Variants in HTD2 observed in about 807,000 individuals in gnomAD.
HTD2 encodes hydroxyacyl-thioester dehydratase type 2, mitochondrial.
In HTD2, 1 loss-of-function variant was observed where a neutral mutation model predicts 3.1. The observed-to-expected ratio is 0.32, with a 90% CI of 0.11 to 1.52. The LOEUF (loss-of-function observed/expected upper bound fraction) is 1.52. HTD2 is among the 40% of genes most tolerant of loss of function. HTD2 has a pLI of 0.39. For synonymous variants in HTD2, 50 were observed against 28.9 expected, an observed-to-expected ratio of 1.73 and a Z score of -2.34; for missense variants, 150 against 79.6, an observed-to-expected ratio of 1.88 and a Z score of -3.36.
chr3:58,308,101 C>T (rs1249742183), intron 1 of HTD2: 1 of 152,144 alleles, frequency 6.6e-6, no homozygotes, highest in African/African-American at 2.4e-5. Context: ...ATGAAAGAAA[C>T]AGATGAGGTT....
intron 3 of HTD2, 28 bp from the exon 4 acceptor site, chr3:58,316,887 A>T: frequency 6.4e-7 from 1 of 1,565,950 alleles, no homozygotes. Flanking sequence ...TCTATGACAC[A>T]CTATGTATTT....
Position 58,319,663 on chromosome 3 carries a change from TAAGAAG to T in HTD2, c.*1545_*1550del, listed in dbSNP as rs1262626212. The T allele has an allele frequency of 6.6e-6, 1 of 151,872 alleles. No homozygotes were observed. The highest frequency in any genetic ancestry group is 1.5e-5 in the Non-Finnish European group (1 of 68,008). 9.4% of individuals were successfully genotyped at this position (151,872 alleles called of 1,614,324 possible). A position where few individuals can be genotyped will look rare whatever the true frequency, so the allele number is the denominator to read the frequency against. On this transcript the variant is annotated 3_prime_UTR_variant, in exon 5 of 5. Transcript: ENST00000461393. ...AAAAAAAATTGTAAGAAATAAATAT[TAAGAAG>T]ATTATGGAGGCCAAATTCTTAAGAC...
intron 2 of HTD2, 30 bp downstream of exon 2, chr3:58,310,621 C>A: frequency 6.4e-7 from 1 of 1,562,480 alleles, no homozygotes; most frequent in Non-Finnish European, 8.7e-7. Context: ...ATTGAACATT[C>A]CAAAGATCTT....
At chr3:58,311,401 C>A (rs186457857) in intron 2 of HTD2, among the ~76,000 whole-genome samples, 2 of 152,196 alleles carry the variant, frequency 1.3e-5, no homozygotes, top group Non-Finnish European at 2.9e-5. Flanking sequence ...GTGATCCACG[C>A]GCCTTGGGCT....
At chr3:58,312,009 A>C (rs1435930883) in intron 2 of HTD2, among the ~76,000 whole-genome samples, 3 of 152,016 alleles carry the variant, frequency 2.0e-5, no homozygotes, top group African/African-American at 4.8e-5. Context: ...AGTAGCTGGG[A>C]CCACAGGCGT....
At position 58,319,112 on chromosome 3, in the gene HTD2, C is replaced by T. The variant is rs866692181; in HGVS notation, c.*992C>T. 2 of 152,136 alleles carry T rather than the reference C, an allele frequency of 1.3e-5. No individual in the cohort carries two copies. Among genetic ancestry groups the T allele is most frequent in the Non-Finnish European group, 1.5e-5 (1 of 68,040 alleles). 9.4% of individuals were successfully genotyped at this position (152,136 alleles called of 1,614,324 possible). A position where few individuals can be genotyped will look rare whatever the true frequency, so the allele number is the denominator to read the frequency against. Reference sequence around the variant, plus strand: ...TTGTCACTGTATTTTAACTGTGTAACAATTATTGAAGGCGAAAATAGAAGT... The same window carrying T: ...TTGTCACTGTATTTTAACTGTGTAATAATTATTGAAGGCGAAAATAGAAGT... On this transcript the variant is annotated 3_prime_UTR_variant, in exon 5 of 5. Transcript: ENST00000461393.
At chr3:58,313,401 A>G (rs1233001911) in intron 2 of HTD2, among the ~76,000 whole-genome samples, 1 of 152,258 alleles carries the variant, frequency 6.6e-6, no homozygotes, top group Non-Finnish European at 1.5e-5. Context: ...GTAGAGAAGT[A>G]GAGTTTCAGA....
intron 2 of HTD2, chr3:58,315,576 C>T (rs1041706585): frequency 3.9e-5 from 6 of 152,192 alleles, no homozygotes; most frequent in Non-Finnish European, 8.8e-5. Flanking sequence ...GTACCAATAC[C>T]AGTTTTGTAG....
intron 2 of HTD2, among the ~76,000 whole-genome samples, chr3:58,310,879 G>A (rs898910245): frequency 1.1e-4 from 17 of 148,876 alleles, no homozygotes; most frequent in Admixed American, 8.1e-4. Flanking sequence ...GCAGTGAGCC[G>A]AGATAACGCC....
At chr3:58,317,350 T>G in intron 4 of HTD2, 90 bp from the exon 5 acceptor site, 1 of 849,744 alleles carries the variant, frequency 1.2e-6, no homozygotes, top group Non-Finnish European at 1.9e-6. Context: ...ATCAGCTTTG[T>G]TTATCCTGTA....
intron 2 of HTD2, among the ~76,000 whole-genome samples, chr3:58,311,033 C>T (rs566637031): frequency 6.6e-6 from 1 of 151,504 alleles, no homozygotes; most frequent in African/African-American, 2.4e-5. Context: ...TTGTAATAAA[C>T]ACATTTGTAT....
At chr3:58,309,091 C>T (rs917175779) in intron 1 of HTD2, among the ~76,000 whole-genome samples, 5 of 152,326 alleles carry the variant, frequency 3.3e-5, no homozygotes, top group Admixed American at 1.3e-4. Flanking sequence ...ACAGACCTGG[C>T]TTTTGGACTG....
rs1319944680 is a variant in HTD2, at chr3:58,309,865, CTGGG to C, written c.-415-641_-415-638del. On this transcript the variant is annotated intron_variant, in intron 1 of 4. Transcript: ENST00000461393. ...CAAGATTGTGCCACTGCACTCCAGCCTGGGCGACAGAGCAAGACTCCTTCTCCAA... is the reference window on the plus strand; with the variant it reads ...CAAGATTGTGCCACTGCACTCCAGCCCGACAGAGCAAGACTCCTTCTCCAA... 1.2e-3 allele frequency among the ~76,000 whole-genome samples: 177 copies of C among 152,102 alleles called. 1 individual carries two copies. Among genetic ancestry groups the C allele is most frequent in the Admixed American group, 9.1e-3 (139 of 15,264 alleles).
At chr3:58,309,794 A>T (rs2097480119) in intron 1 of HTD2, among the ~76,000 whole-genome samples, 1 of 152,198 alleles carries the variant, frequency 6.6e-6, no homozygotes, top group African/African-American at 2.4e-5. Flanking sequence ...CGGGAGGCTG[A>T]GGCAGGAGAA....
rs1269459052 is a variant in HTD2, at chr3:58,306,581, G to C, written c.-486G>C. ...GGCGCCGCGTAGGGTCTCGGCCGCA[G>C]AACGTGGCCGAGAGGCCCGGGCGAG... On this transcript the variant is annotated 5_prime_UTR_variant, in exon 1 of 5. Coordinates refer to ENST00000461393, the MANE Select transcript of HTD2 (RefSeq NM_001348712.2). 6.6e-6 allele frequency: 1 copy of C among 152,074 alleles called. No individual in the cohort carries two copies. Among genetic ancestry groups the C allele is most frequent in the African/African-American group, 2.4e-5 (1 of 41,332 alleles). 9.4% of individuals were successfully genotyped at this position (152,074 alleles called of 1,614,324 possible).
At position 58,308,018 on chromosome 3, in the gene HTD2, A is replaced by G. The variant is rs1230807823; in HGVS notation, c.-416+1367A>G. On this transcript the variant is annotated intron_variant, in intron 1 of 4. Transcript: ENST00000461393. ...TTACTGGCATCTAAGCCCTGGGTCT[A>G]ATTTCACTCCCCTATTTTAGGCAGC... The G allele has an allele frequency of 2.6e-5, 4 of 152,090 alleles. No individual in the cohort carries two copies. In the East Asian group the frequency reaches 5.8e-4, roughly 22 times the overall value. 9.4% of individuals were successfully genotyped at this position (152,090 alleles called of 1,614,324 possible).
chr3:58,311,583 CTT>C (rs963557050), intron 2 of HTD2, among the ~76,000 whole-genome samples: 1 of 151,528 alleles, frequency 6.6e-6, no homozygotes, highest in Non-Finnish European at 1.5e-5. Context: ...GAATTTCATT[CTT>C]TTTTATGGCT....
chr3:58,313,506 T>G (rs2097484674), intron 2 of HTD2, among the ~76,000 whole-genome samples: 1 of 152,154 alleles, frequency 6.6e-6, no homozygotes, highest in African/African-American at 2.4e-5. Flanking sequence ...AATTTAAAAC[T>G]TTTACTCTGC....
intron 2 of HTD2, among the ~76,000 whole-genome samples, chr3:58,313,174 G>C (rs1246103547): frequency 2.0e-5 from 3 of 151,668 alleles, no homozygotes; most frequent in African/African-American, 7.3e-5. Flanking sequence ...CAGGAGAATG[G>C]CATGAACCCG....
Sources: allele counts gnomAD v4.1 joint callset (sites outside exome capture counted in the v4.1 genomes callset), GRCh38; gene constraint gnomAD v4.1.1; transcripts MANE v1.5; gene names NCBI Gene and HGNC (gene_info 2026-07-23, HGNC 2026-07-21).